Variants in CNTNAP2 observed in about 807,000 individuals in gnomAD.
The protein encoded by CNTNAP2 is contactin-associated protein-like 2.
CNTNAP2 carries 98 observed loss-of-function variants against 155.2 expected under a neutral mutation model. That is an observed-to-expected ratio of 0.63 (90% CI 0.54 to 0.75). The LOEUF is 0.75. Ranked by LOEUF, CNTNAP2 falls within the 30% of genes least tolerant of loss-of-function variation. CNTNAP2 has a pLI of 0.00. For missense variants in CNTNAP2, 1,727 were observed against 1,688.1 expected (o/e 1.02, Z -0.40); for synonymous variants, 651 against 631.2 (o/e 1.03, Z -0.47).
At chr7:146,920,257 TA>T (rs1387427015) in intron 3 of CNTNAP2, among the ~76,000 whole-genome samples, 1 of 151,906 alleles carries the variant, frequency 6.6e-6, no homozygotes, top group African/African-American at 2.4e-5. Flanking sequence ...CTACTAAAAA[TA>T]CAAAAATTAG....
chr7:146,970,367 A>T (rs1401024806), intron 3 of CNTNAP2, among the ~76,000 whole-genome samples: 2 of 152,050 alleles, frequency 1.3e-5, no homozygotes, highest in African/African-American at 4.8e-5. Context: ...TTTACAAGAA[A>T]AAAACAAACA....
chr7:146,854,786 A>G (rs34350277), intron 3 of CNTNAP2, among the ~76,000 whole-genome samples: 37,674 of 152,082 alleles, frequency 0.25, 4,871 homozygotes, highest in Non-Finnish European at 0.29. Context: ...AACAGGCATC[A>G]TTGTGTGCAG....
At chr7:148,382,143 C>T (rs1799075451) in intron 21 of CNTNAP2, among the ~76,000 whole-genome samples, 2 of 152,362 alleles carry the variant, frequency 1.3e-5, no homozygotes, top group South Asian at 4.1e-4. Context: ...GGCCATTTGC[C>T]AGGGCTCATT....
At chr7:146,129,920 T>C (rs1009135607) in intron 1 of CNTNAP2, among the ~76,000 whole-genome samples, 3 of 152,106 alleles carry the variant, frequency 2.0e-5, no homozygotes, top group African/African-American at 4.8e-5. Context: ...CTTTCTGTTA[T>C]AACATTTTAG....
intron 1 of CNTNAP2, among the ~76,000 whole-genome samples, chr7:146,693,941 C>A (rs143264014): frequency 1.8e-4 from 27 of 151,878 alleles, no homozygotes; most frequent in African/African-American, 6.5e-4. Context: ...TGTGCCCATG[C>A]GTTTTCATTG....
intron 1 of CNTNAP2, among the ~76,000 whole-genome samples, chr7:146,618,979 A>G (rs1388853668): frequency 1.3e-5 from 2 of 151,812 alleles, no homozygotes. Flanking sequence ...CTGAGGTAGG[A>G]GAATCGCTTG....
intron 16 of CNTNAP2, among the ~76,000 whole-genome samples, chr7:148,139,674 G>A (rs916898427): frequency 1.3e-5 from 2 of 151,942 alleles, no homozygotes; most frequent in African/African-American, 4.8e-5. Flanking sequence ...CGAGTAGCTG[G>A]GATTACAGGC....
intron 1 of CNTNAP2, among the ~76,000 whole-genome samples, chr7:146,736,645 A>G (rs1178944353): frequency 6.6e-6 from 1 of 152,166 alleles, no homozygotes; most frequent in Non-Finnish European, 1.5e-5. Context: ...CCAGCTCTCA[A>G]CCGCTGTGCT....
At chr7:147,727,747 C>CTTTTT (rs10689191) in intron 13 of CNTNAP2, among the ~76,000 whole-genome samples, 12 of 141,646 alleles carry the variant, frequency 8.5e-5, no homozygotes, top group African/African-American at 3.1e-4. Context: ...CCAAAGCCTG[C>CTTTTT]TTTTTTTTTT....
In CNTNAP2 at chr7:148,201,663, C is replaced by A. The variant is rs868720459; in HGVS notation, c.3011-15625C>A. ...GTTTTGTATGCAACTAAACTTTGTG[C>A]CCCGTCCTTTGGGTCTCCAATTAGA... On this transcript the variant is annotated intron_variant, in intron 18 of 23. Coordinates refer to ENST00000361727, the MANE Select transcript of CNTNAP2 (RefSeq NM_014141.6). Among the ~76,000 whole-genome samples the A allele has an allele frequency of 2.6e-5, 4 of 152,180 alleles. 1 individual carries two copies. The highest frequency in any genetic ancestry group is 4.2e-4 in the South Asian group (2 of 4,816).
chr7:146,863,048 T>C (rs1795135568), intron 3 of CNTNAP2, among the ~76,000 whole-genome samples: 1 of 152,174 alleles, frequency 6.6e-6, no homozygotes, highest in Non-Finnish European at 1.5e-5. Context: ...TCTTATTAAT[T>C]TGGGACCTGT....
Position 147,108,319 on chromosome 7 carries a change from A to G in CNTNAP2, c.723A>G (p.Lys241=), listed in dbSNP as rs554695036. The change falls in exon 5 of 24, where the codon AAA becomes AAG. Residue 241 remains lysine, a synonymous_variant. Transcript: ENST00000361727. Reference sequence around the variant, plus strand: ...GAGATTACATTACCTTGGAACTGAAAAAAGCCAAGCTGGTCCTCAGTTTAA... The same window carrying G: ...GAGATTACATTACCTTGGAACTGAAGAAAGCCAAGCTGGTCCTCAGTTTAA... ...QQGDYITLEL[K]KAKLVLSLNL... 11 of 1,613,626 alleles carry G rather than the reference A, an allele frequency of 6.8e-6. No homozygotes were observed. In the East Asian group the frequency reaches 2.5e-4, roughly 36 times the overall value.
chr7:147,132,120 G>A, intron 7 of CNTNAP2, 125 bp from the exon 8 acceptor site: 2 of 1,212,418 alleles, frequency 1.6e-6, no homozygotes, highest in Non-Finnish European at 1.2e-6. Context: ...CTGCTGCTGT[G>A]TGTGAGTTTA....
Position 147,397,339 on chromosome 7 carries a change from A to G in CNTNAP2, c.1670+1559A>G, listed in dbSNP as rs185609604. Among the ~76,000 whole-genome samples the G allele has an allele frequency of 1.2e-3, 185 of 152,180 alleles. 2 individuals carry two copies. Among genetic ancestry groups the G allele is most frequent in the Non-Finnish European group, 1.8e-3 (124 of 67,932 alleles). ...AGCTGAGATGAATGTTTTAAAGATC[A>G]TTTGTTCTGATTTTAGATAATTATC... On this transcript the variant is annotated intron_variant, in intron 10 of 23. Transcript: ENST00000361727.
At chr7:146,121,923 A>T (rs1234617839) in intron 1 of CNTNAP2, among the ~76,000 whole-genome samples, 1 of 152,168 alleles carries the variant, frequency 6.6e-6, no homozygotes, top group Non-Finnish European at 1.5e-5. Context: ...CTTGTAACAG[A>T]GTGATTCACT....
intron 20 of CNTNAP2, among the ~76,000 whole-genome samples, chr7:148,240,673 G>A (rs1186686408): frequency 2.0e-5 from 3 of 152,112 alleles, no homozygotes; most frequent in East Asian, 1.9e-4. Context: ...TGACTCACAC[G>A]ATCACAAGCT....
chr7:146,880,395 C>G lies in CNTNAP2; in HGVS notation c.402+40491C>G, dbSNP rs144210001. Among the ~76,000 whole-genome samples, 144 of 151,972 alleles carry G rather than the reference C, an allele frequency of 9.5e-4. 1 individual carries two copies. Among genetic ancestry groups the G allele is most frequent in the African/African-American group, 3.1e-3 (130 of 41,506 alleles). On this transcript the variant is annotated intron_variant, in intron 3 of 23. Coordinates refer to ENST00000361727, the MANE Select transcript of CNTNAP2 (RefSeq NM_014141.6). ...CCAGGAAAAGGGCCCTCACTAGGAA[C>G]CTGACCATGCTGGCACCATGTCGGC...
At chr7:147,995,478 C>T (rs1347826176) in intron 15 of CNTNAP2, among the ~76,000 whole-genome samples, 1 of 152,008 alleles carries the variant, frequency 6.6e-6, no homozygotes, top group Admixed American at 6.6e-5. Context: ...ACTCCTGACA[C>T]CATCATACTC....
intron 18 of CNTNAP2, among the ~76,000 whole-genome samples, chr7:148,183,358 T>C (rs934685944): frequency 1.3e-5 from 2 of 152,192 alleles, no homozygotes; most frequent in Non-Finnish European, 2.9e-5. Flanking sequence ...GAAGACTCTT[T>C]GGAAAACATA....
Sources: allele counts gnomAD v4.1 joint callset (sites outside exome capture counted in the v4.1 genomes callset), GRCh38; gene constraint gnomAD v4.1.1; transcripts MANE v1.5; gene names NCBI Gene and HGNC (gene_info 2026-07-23, HGNC 2026-07-21).